The following EHBP1L1 variants were observed in gnomAD, a reference collection of about 807,000 sequenced individuals.
EHBP1L1 encodes the protein EH domain binding protein 1 like 1.
A neutral mutation model predicts 151.1 loss-of-function variants in EHBP1L1; 122 were observed. The ratio of observed to expected loss-of-function variants is 0.81; its 90% CI spans 0.70 to 0.94. EHBP1L1 has a LOEUF of 0.94. Ranked by LOEUF, EHBP1L1 falls within the 40% of genes least tolerant of loss-of-function variation. The pLI is 0.00. For synonymous variants in EHBP1L1, 878 were observed against 810.1 expected (o/e 1.08, Z -1.42); for missense variants, 1,941 against 1,959.8 (o/e 0.99, Z 0.18).
At chr11:65,579,204 T>G (rs1338765207) in intron 2 of EHBP1L1, 69 bp downstream of exon 2, 8 of 1,456,730 alleles carry the variant, frequency 5.5e-6, no homozygotes, top group African/African-American at 3.3e-5. Context: ...TGGGGGCTGA[T>G]GGGGGAGTGG....
In EHBP1L1 at chr11:65,583,151, A is replaced by G; in HGVS notation, c.2479A>G (p.Arg827Gly). The change falls in exon 9 of 19, where the codon AGG (arginine) becomes GGG (glycine). Residue 827 changes from arginine to glycine, a missense_variant. Physicochemically the swap from Arg to Gly is moderately radical, Grantham distance 125 (BLOSUM62 -2). Transcript: ENST00000309295. ...ATTGGGGACCCAAGAGATAGCATCT[A>G]GGAGTTCAGGGGTCCCAGGGCTAGA... ...EILGTQEIAS[R>G]SSGVPGLESE... The G allele has an allele frequency of 6.2e-6, 10 of 1,613,352 alleles. No homozygotes were observed. The highest frequency in any genetic ancestry group is 8.5e-6 in the Non-Finnish European group (10 of 1,179,776).
At chr11:65,584,931 G>A (rs1396137493) in intron 11 of EHBP1L1, 28 bp from the exon 12 acceptor site, 3 of 1,530,180 alleles carry the variant, frequency 2.0e-6, no homozygotes, top group Non-Finnish European at 8.7e-7. Context: ...CACCGCCGCC[G>A]CTGACCCCGA....
In EHBP1L1 at chr11:65,585,659, G is replaced by A. The variant is rs1857933209; in HGVS notation, c.3933+68G>A. ...GGTCCCGGGAAGATGGGCAGAGAAC[G>A]GGCGAGCCCCCAAGGGGCCCCAAGG... On this transcript the variant is annotated intron_variant, in intron 12 of 18. Transcript: ENST00000309295. The surrounding 1 kb of genome is among the most constrained non-coding windows in gnomAD (Gnocchi z 4.0). 2.0e-6 allele frequency: 3 copies of A among 1,517,834 alleles called. No homozygotes were observed. Among genetic ancestry groups the A allele is most frequent in the Admixed American group, 2.0e-5 (1 of 49,688 alleles). 94.0% of individuals were successfully genotyped at this position (1,517,834 alleles called of 1,614,324 possible).
At chr11:65,579,248 G>C in intron 2 of EHBP1L1, 93 bp from the exon 3 acceptor site, 1 of 1,502,208 alleles carries the variant, frequency 6.7e-7, no homozygotes, top group Non-Finnish European at 9.0e-7. Flanking sequence ...AATCCACAGA[G>C]GGGAGGGGAA....
Position 65,582,164 on chromosome 11 carries a change from G to T in EHBP1L1, c.1492G>T (p.Ala498Ser). The T allele has an allele frequency of 6.3e-7, 1 of 1,577,370 alleles. No individual in the cohort carries two copies. Among genetic ancestry groups the T allele is most frequent in the Non-Finnish European group, 8.6e-7 (1 of 1,163,002 alleles). Residue 498 changes from alanine (A) to serine (S), a missense_variant, in exon 9 of 19, where the codon GCC becomes TCC. Transcript: ENST00000309295. ...TGGGCAACTTGGTGACCTCGAGGGG[G>T]CCAGGGCTGCTGCAGGCCAGGAGAG... Reference protein sequence around the residue: ...HSGQLGDLEGARAAAGQEREG... With the variant: ...HSGQLGDLEGSRAAAGQEREG...
Position 65,592,498 on chromosome 11 carries a change from G to A in EHBP1L1, c.*196G>A, listed in dbSNP as rs1858391470. 8.3e-6 allele frequency: 2 copies of A among 242,340 alleles called. No individual in the cohort carries two copies. Among genetic ancestry groups the A allele is most frequent in the Non-Finnish European group, 1.4e-5 (2 of 140,008 alleles). 15.0% of individuals were successfully genotyped at this position (242,340 alleles called of 1,614,324 possible). A position where few individuals can be genotyped will look rare whatever the true frequency, so the allele number is the denominator to read the frequency against. On this transcript the variant is annotated 3_prime_UTR_variant, in exon 19 of 19. Transcript: ENST00000309295. The stretch of plus-strand genomic sequence containing the variant: ...GCGGCCGCCGTATTTATTTGTCACC[G>A]AGGGTGTGTGCGCGCTCGCGGCGGG...
Position 65,589,961 on chromosome 11 carries a change from AC to A in EHBP1L1, c.4034del (p.Pro1345GlnfsTer33). The A allele has an allele frequency of 6.3e-7, 1 of 1,579,804 alleles. No homozygotes were observed. The highest frequency in any genetic ancestry group is 8.6e-7 in the Non-Finnish European group (1 of 1,159,140). ...PGGSSPSEEPPPSPGEEAGLQ... is the reference protein window; with the variant it reads ...PGGSSPSEEPXPSPGEEAGLQ... The stretch of plus-strand genomic sequence containing the variant: ...GTGGGAGTTCCCCCTCGGAGGAACC[AC>A]CCCCAAGCCCAGGGGAGGAGGCTGG... On this transcript the variant is annotated frameshift_variant, in exon 14 of 19. Transcript: ENST00000309295. LOFTEE classifies it high-confidence loss of function.
In EHBP1L1 at chr11:65,580,169, G is replaced by A. The variant is rs1440299801; in HGVS notation, c.401G>A (p.Arg134Lys). Reference protein sequence around the residue: ...AGPVPVQVPVRLRLKPKSVKV... With the variant: ...AGPVPVQVPVKLRLKPKSVKV... ...CCCGTGCCTGTCCAAGTCCCAGTGA[G>A]GCTGCGGCTGAAGCCAAAGTCAGTG... The change falls in exon 5 of 19, where the codon AGG becomes AAG. Residue 134 changes from arginine to lysine, a missense_variant. Coordinates refer to ENST00000309295, the MANE Select transcript of EHBP1L1 (RefSeq NM_001099409.3). The A allele has an allele frequency of 7.4e-6, 12 of 1,613,486 alleles. No individual in the cohort carries two copies. The highest frequency in any genetic ancestry group is 1.3e-5 in the African/African-American group (1 of 74,940).
chr11:65,585,516 G>A lies in EHBP1L1; in HGVS notation c.3858G>A (p.Arg1286=). The A allele has an allele frequency of 6.4e-7, 1 of 1,568,306 alleles. No homozygotes were observed. The highest frequency in any genetic ancestry group is 8.6e-7 in the Non-Finnish European group (1 of 1,164,228). Residue 1286 remains arginine, a synonymous_variant, in exon 12 of 19, where the codon AGG becomes AGA. Transcript: ENST00000309295. The surrounding 1 kb of genome is among the most constrained non-coding windows in gnomAD (Gnocchi z 4.0). ...HVRDADLLKK[R]RSRLRNSSSF... ...GCGACGCGGACCTGCTCAAGAAGAGGCGCTCGCGGCTGCGGAACAGCAGCT... is the reference window on the plus strand; with the variant it reads ...GCGACGCGGACCTGCTCAAGAAGAGACGCTCGCGGCTGCGGAACAGCAGCT...
Position 65,581,706 on chromosome 11 carries a change from C to T in EHBP1L1, c.1034C>T (p.Ala345Val), listed in dbSNP as rs766517601. The change falls in exon 9 of 19, where the codon GCA becomes GTA. Residue 345 changes from alanine (A) to valine (V), a missense_variant. Physicochemically the swap from Ala to Val is moderately conservative, Grantham distance 64. Transcript: ENST00000309295. Reference protein sequence around the residue: ...LGSARETQAQACPQEGTEAHG... With the variant: ...LGSARETQAQVCPQEGTEAHG... ...TCTGCTAGGGAGACCCAGGCCCAGG[C>T]ATGCCCTCAGGAAGGGACAGAAGCC... The T allele has an allele frequency of 6.3e-7, 1 of 1,584,566 alleles. No individual in the cohort carries two copies. Among genetic ancestry groups the T allele is most frequent in the Non-Finnish European group, 8.6e-7 (1 of 1,165,814 alleles).
At chr11:65,578,045 G>C (rs1857412145) in intron 1 of EHBP1L1, among the ~76,000 whole-genome samples, 1 of 152,178 alleles carries the variant, frequency 6.6e-6, no homozygotes, top group Non-Finnish European at 1.5e-5. Flanking sequence ...GGGGCCCTCT[G>C]CCCCCAGGCC....
In EHBP1L1 at chr11:65,584,320, G is replaced by A. The variant is rs774355413; in HGVS notation, c.3173G>A (p.Arg1058His). ...QEVTTGYRGV[R>H]ITNFTTSWRN... ...GTCACCACTGGCTACCGTGGCGTCC[G>A]CATCACCAACTTCACCACATCCTGG... The change falls in exon 10 of 19, where the codon CGC becomes CAC. Residue 1058 changes from arginine to histidine, a missense_variant. By Grantham distance (29) the Arg-to-His change is conservative. Transcript: ENST00000309295. The A allele has an allele frequency of 2.7e-5, 43 of 1,610,960 alleles. No individual in the cohort carries two copies. The highest frequency in any genetic ancestry group is 1.7e-4 in the Middle Eastern group (1 of 6,050).
chr11:65,580,954 C>T (rs1299106067), intron 6 of EHBP1L1, 104 bp from the exon 7 acceptor site: 10 of 1,468,110 alleles, frequency 6.8e-6, no homozygotes, highest in African/African-American at 4.3e-5. Context: ...GAGGCCAGGG[C>T]GTTTCCCAGG....
chr11:65,586,582 A>C (rs1857976504), intron 12 of EHBP1L1, among the ~76,000 whole-genome samples: 1 of 152,262 alleles, frequency 6.6e-6, no homozygotes, highest in Non-Finnish European at 1.5e-5. Flanking sequence ...AAAATGTGGC[A>C]GCAGGAAAGT....
rs940138692 is a variant in EHBP1L1 at position 65,576,195 on chromosome 11, G to A, written c.-108G>A. On this transcript the variant is annotated 5_prime_UTR_variant, in exon 1 of 19. Transcript: ENST00000309295. ...GTCGGAGCCTGGGACACCTCCGCAC[G>A]GACGGGGCGGGCGGCGCGGACAGGC... 2 of 981,144 alleles carry A rather than the reference G, an allele frequency of 2.0e-6. No homozygotes were observed. Among genetic ancestry groups the A allele is most frequent in the Non-Finnish European group, 2.7e-6 (2 of 730,226 alleles). 60.8% of individuals were successfully genotyped at this position (981,144 alleles called of 1,614,324 possible).
chr11:65,577,560 C>T (rs1250836289), intron 1 of EHBP1L1, among the ~76,000 whole-genome samples: 1 of 152,158 alleles, frequency 6.6e-6, no homozygotes, highest in Non-Finnish European at 1.5e-5. Flanking sequence ...TGGGTAGGGC[C>T]TCCTGGGCTG....
chr11:65,582,592 C>G lies in EHBP1L1; in HGVS notation c.1920C>G (p.Val640=). 1 of 1,612,896 alleles carries G rather than the reference C, an allele frequency of 6.2e-7. No individual in the cohort carries two copies. The highest frequency in any genetic ancestry group is 2.2e-5 in the East Asian group (1 of 44,834). The stretch of plus-strand genomic sequence containing the variant: ...AGACCCAGGAAACAGAGGTGGGGGT[C>G]ATAGAGACCCCAGGGACAGAGACTG... ...GLETQETEVG[V]IETPGTETEV... The change falls in exon 9 of 19, where the codon GTC becomes GTG. Residue 640 remains valine, a synonymous_variant. Coordinates refer to ENST00000309295, the MANE Select transcript of EHBP1L1 (RefSeq NM_001099409.3).
chr11:65,585,109 C>T lies in EHBP1L1; in HGVS notation c.3451C>T (p.Leu1151=). The change falls in exon 12 of 19, where the codon CTG becomes TTG. Residue 1151 remains leucine (L), a synonymous_variant. Coordinates refer to ENST00000309295, the MANE Select transcript of EHBP1L1 (RefSeq NM_001099409.3). The surrounding 1 kb of genome is among the most constrained non-coding windows in gnomAD (Gnocchi z 4.0). ...CTGQELQLVQ[L]EGGGGAGTYR... ...CGGGCAGGAGCTGCAGCTGGTACAA[C>T]TGGAGGGCGGCGGCGGCGCCGGCAC... The T allele has an allele frequency of 6.6e-7, 1 of 1,516,238 alleles. No individual in the cohort carries two copies. Among genetic ancestry groups the T allele is most frequent in the Non-Finnish European group, 8.8e-7 (1 of 1,140,290 alleles). 93.9% of individuals were successfully genotyped at this position (1,516,238 alleles called of 1,614,324 possible).
chr11:65,591,765 C>A, intron 16 of EHBP1L1, 35 bp from the exon 17 acceptor site: 2 of 923,102 alleles, frequency 2.2e-6, no homozygotes, highest in South Asian at 2.8e-5. Context: ...CCTGAACTGC[C>A]ACCCCCCCGC....
Sources: gnomAD v4.1 joint callset for allele counts (sites outside exome capture counted in the v4.1 genomes callset) on GRCh38, gnomAD v4.1.1 for gene constraint, Gnocchi (gnomAD v3.1) non-coding constraint, MANE v1.5 for transcripts, NCBI Gene and HGNC (gene_info 2026-07-23, HGNC 2026-07-21) for gene names.